MTDH: variants seen among roughly 807,000 people sequenced by gnomAD.
MTDH encodes the protein protein LYRIC.
MTDH carries 34 observed loss-of-function variants against 72.7 expected under a neutral mutation model. The observed-to-expected ratio is 0.47, with a 90% CI of 0.36 to 0.62. MTDH has a LOEUF of 0.62. MTDH is among the 20% of genes least tolerant of loss of function. The pLI is 0.00. For missense variants in MTDH, 677 were observed against 699.4 expected, an observed-to-expected ratio of 0.97 and a Z score of 0.36; for synonymous variants, 266 against 268.9, an observed-to-expected ratio of 0.99 and a Z score of 0.10.
At chr8:97,658,603 G>A (rs1312808383) in intron 1 of MTDH, among the ~76,000 whole-genome samples, 2 of 152,276 alleles carry the variant, frequency 1.3e-5, no homozygotes, top group East Asian at 3.9e-4. Context: ...TAAAATGAAG[G>A]TGGTATATGG....
At chr8:97,702,498 T>C (rs544056339) in intron 7 of MTDH, among the ~76,000 whole-genome samples, 9 of 152,326 alleles carry the variant, frequency 5.9e-5, no homozygotes, top group Middle Eastern at 6.8e-3. Context: ...GCCTCACATA[T>C]AGTAAATATG....
chr8:97,716,069 G>A (rs892135433), intron 9 of MTDH, among the ~76,000 whole-genome samples: 7 of 152,042 alleles, frequency 4.6e-5, no homozygotes, highest in Non-Finnish European at 1.0e-4. Context: ...TCTATGCTGA[G>A]TACATAGCAC....
chr8:97,682,609 A>G (rs1813181391), intron 2 of MTDH, among the ~76,000 whole-genome samples: 1 of 151,614 alleles, frequency 6.6e-6, no homozygotes, highest in African/African-American at 2.4e-5. Context: ...CCTTTTGTTA[A>G]TTACTTTTAA....
rs139514596 is a variant in MTDH at position 97,671,713 on chromosome 8, C to T, written c.483+10540C>T. On this transcript the variant is annotated intron_variant, in intron 2 of 11. Coordinates refer to ENST00000336273, the MANE Select transcript of MTDH (RefSeq NM_178812.4). Reference sequence around the variant, plus strand: ...CAAAAATTAGCTTGGCATGGTGGTACGTGCCTGTAGTCCCAGCTACTTGGG... The same window carrying T: ...CAAAAATTAGCTTGGCATGGTGGTATGTGCCTGTAGTCCCAGCTACTTGGG... Among the ~76,000 whole-genome samples, 377 of 152,058 alleles carry T rather than the reference C, an allele frequency of 2.5e-3. 2 individuals are homozygous for T. Among genetic ancestry groups the T allele is most frequent in the African/African-American group, 8.5e-3 (353 of 41,482 alleles).
In MTDH at chr8:97,724,738, T is replaced by C; in HGVS notation, c.*68T>C. 1 of 1,252,096 alleles carries C rather than the reference T, an allele frequency of 8.0e-7. No homozygotes were observed. Among genetic ancestry groups the C allele is most frequent in the Non-Finnish European group, 1.1e-6 (1 of 897,572 alleles). 77.6% of individuals were successfully genotyped at this position (1,252,096 alleles called of 1,614,324 possible). On this transcript the variant is annotated 3_prime_UTR_variant, in exon 12 of 12. Coordinates refer to ENST00000336273, the MANE Select transcript of MTDH (RefSeq NM_178812.4). ...CTTGAAGATTATGCTGTTTATGCAA[T>C]AATTTGTGAACATGTACAGAGTTTT...
chr8:97,687,419 G>T lies in MTDH; in HGVS notation c.569-10G>T. On this transcript the variant is annotated splice_polypyrimidine_tract_variant and intron_variant, in intron 3 of 11. Coordinates refer to ENST00000336273, the MANE Select transcript of MTDH (RefSeq NM_178812.4). The stretch of plus-strand genomic sequence containing the variant: ...TACTGAATAACATTTTTTTTCTGGG[G>T]CTATGTCAGGAGCCTGGGAAACTAA... The T allele has an allele frequency of 6.4e-7, 1 of 1,566,060 alleles. No homozygotes were observed. Among genetic ancestry groups the T allele is most frequent in the Middle Eastern group, 1.7e-4 (1 of 5,828 alleles).
chr8:97,677,563 T>G (rs1219006315), intron 2 of MTDH, among the ~76,000 whole-genome samples: 1 of 151,932 alleles, frequency 6.6e-6, no homozygotes, highest in East Asian at 1.9e-4. Flanking sequence ...AAGAACTCTA[T>G]CAGCTACATC....
intron 2 of MTDH, among the ~76,000 whole-genome samples, chr8:97,665,518 G>A (rs954726615): frequency 1.3e-5 from 2 of 152,124 alleles, no homozygotes; most frequent in South Asian, 2.1e-4. Flanking sequence ...GTAATACAAG[G>A]CATTAAGTGC....
chr8:97,647,965 AG>A (rs1487071595), intron 1 of MTDH, among the ~76,000 whole-genome samples: 2 of 151,532 alleles, frequency 1.3e-5, no homozygotes, highest in African/African-American at 4.9e-5. Context: ...AAAAAAAAAA[AG>A]CTTGTAGATT....
At chr8:97,677,424 G>T (rs1479490204) in intron 2 of MTDH, among the ~76,000 whole-genome samples, 1 of 150,554 alleles carries the variant, frequency 6.6e-6, no homozygotes, top group Non-Finnish European at 1.5e-5. Flanking sequence ...CTGGGAGGCG[G>T]AGGTTGCAGT....
intron 2 of MTDH, among the ~76,000 whole-genome samples, chr8:97,662,783 C>CA (rs575550309): frequency 0.08 from 10,789 of 134,542 alleles, 458 homozygotes; most frequent in Non-Finnish European, 0.11. Context: ...GAGACTCTGT[C>CA]AAAAAAAAAA....
At chr8:97,698,951 C>A (rs1813987451) in intron 6 of MTDH, among the ~76,000 whole-genome samples, 1 of 151,928 alleles carries the variant, frequency 6.6e-6, no homozygotes, top group Admixed American at 6.6e-5. Flanking sequence ...CCAGCCTGGG[C>A]AACACAGGGA....
intron 10 of MTDH, among the ~76,000 whole-genome samples, chr8:97,721,634 T>C (rs930947712): frequency 6.6e-6 from 1 of 152,086 alleles, no homozygotes; most frequent in Non-Finnish European, 1.5e-5. Flanking sequence ...TGATCACAGA[T>C]AGAGCTAATA....
intron 8 of MTDH, among the ~76,000 whole-genome samples, 169 bp from the exon 9 acceptor site, chr8:97,713,493 T>A (rs568185434): frequency 1.3e-5 from 2 of 152,330 alleles, no homozygotes; most frequent in East Asian, 3.9e-4. Flanking sequence ...TATTTTGTTA[T>A]TTTTTAAATA....
In MTDH at chr8:97,729,128, T is replaced by C. The variant is rs1057488219; in HGVS notation, c.*4458T>C. 6.6e-6 allele frequency among the ~76,000 whole-genome samples: 1 copy of C among 151,166 alleles called. No homozygotes were observed. The highest frequency in any genetic ancestry group is 6.6e-5 in the Admixed American group (1 of 15,116). On this transcript the variant is annotated 3_prime_UTR_variant, in exon 12 of 12. Transcript: ENST00000336273. ...TTTGGTAGAGATGAGGTCATTGCTA[T>C]GTTGCCCAGGCTGGCCTTGAAGTCC...
At chr8:97,701,249 T>C (rs1424306645) in intron 7 of MTDH, among the ~76,000 whole-genome samples, 1 of 152,146 alleles carries the variant, frequency 6.6e-6, no homozygotes, top group Non-Finnish European at 1.5e-5. Flanking sequence ...AGGACCCCCC[T>C]CAGGTACCAA....
At chr8:97,655,227 TG>T (rs1811921326) in intron 1 of MTDH, among the ~76,000 whole-genome samples, 1 of 152,254 alleles carries the variant, frequency 6.6e-6, no homozygotes, top group African/African-American at 2.4e-5. Flanking sequence ...GTATACCTTT[TG>T]TTTTGTACTT....
rs145150637 is a variant in MTDH at position 97,712,031 on chromosome 8, A to G, written c.1273-1631A>G. Among the ~76,000 whole-genome samples the G allele has an allele frequency of 7.2e-5, 11 of 152,172 alleles. No individual in the cohort carries two copies. The East Asian group carries it at 1.5e-3, about 21-fold the overall frequency. ...ATTATAATATATATAACCTTTTGCT[A>G]TGGTTCTTGTTTGTTCATTTGATTG... On this transcript the variant is annotated intron_variant, in intron 8 of 11. Transcript: ENST00000336273.
At chr8:97,702,247 G>A (rs1814161905) in intron 7 of MTDH, among the ~76,000 whole-genome samples, 1 of 152,174 alleles carries the variant, frequency 6.6e-6, no homozygotes, top group Admixed American at 6.5e-5. Context: ...ATGTTGAATA[G>A]AACTTTTTCT....
Sources: allele counts gnomAD v4.1 joint callset (sites outside exome capture counted in the v4.1 genomes callset), GRCh38; gene constraint gnomAD v4.1.1; transcripts MANE v1.5; gene names NCBI Gene and HGNC (gene_info 2026-07-23, HGNC 2026-07-21).